Variants in CFAP161 observed in about 807,000 individuals in gnomAD.
CFAP161 encodes the protein cilia and flagella associated protein 161.
CFAP161 carries 25 observed loss-of-function variants against 29.0 expected under a neutral mutation model. The ratio of observed to expected loss-of-function variants is 0.86; its 90% CI spans 0.63 to 1.20. The LOEUF is 1.20. Among genes scored for constraint, CFAP161 ranks in the 50% most tolerant of loss-of-function variants. The pLI, the probability that CFAP161 is intolerant of heterozygous loss-of-function variation, is 0.00. For synonymous variants in CFAP161, 116 were observed against 137.4 expected, an observed-to-expected ratio of 0.84 and a Z score of 1.09; for missense variants, 367 against 371.9, an observed-to-expected ratio of 0.99 and a Z score of 0.11.
Position 81,118,149 on chromosome 15 carries a change from CAT to C in CFAP161, c.-141-9438_-141-9437del, listed in dbSNP as rs141567709. The C allele has an allele frequency of 7.0e-3, 3,552 of 504,604 alleles. 98 individuals carry two copies. Among genetic ancestry groups the C allele is most frequent in the African/African-American group, 0.065 (3,224 of 49,698 alleles). The allele number at this position is 504,604 out of a possible 1,614,324, so 31.3% of individuals were successfully genotyped here. The stretch of plus-strand genomic sequence containing the variant: ...TGAGATTTGGAAGTTTTTCTGCAGA[CAT>C]ATTCAGACCTCCAAAGATTCTATTT... On this transcript the variant is annotated intron_variant, in intron 1 of 4. Transcript: ENST00000560091.
At chr15:81,133,204 TA>T (rs1567156315), upstream of CFAP161, among the ~76,000 whole-genome samples, 2,532 of 67,106 alleles carry the variant, frequency 0.038, 162 homozygotes, top group Admixed American at 0.054. Context: ...TATATATATA[TA>T]TATATATATA....
chr15:81,124,458 T>G (rs888040919), intron 1 of CFAP161, among the ~76,000 whole-genome samples: 2 of 130,808 alleles, frequency 1.5e-5, no homozygotes, highest in Non-Finnish European at 3.5e-5. Context: ...CCAAGGATAC[T>G]GGCATGAAGT....
rs3086710 is a variant in CFAP161, at chr15:81,146,831, AAT to A, written c.637-976_637-975del. On this transcript the variant is annotated intron_variant, in intron 5 of 6. Coordinates refer to ENST00000286732, the MANE Select transcript of CFAP161 (RefSeq NM_173528.4). Reference sequence around the variant, plus strand: ...TTTGCTCTTAAATAGGATAGCTACAAATATATATATATATATATATATATATA... The same window carrying A: ...TTTGCTCTTAAATAGGATAGCTACAAATATATATATATATATATATATATA... 9.2e-3 allele frequency among the ~76,000 whole-genome samples: 646 copies of A among 70,084 alleles called. 1 individual carries two copies. The highest frequency in any genetic ancestry group is 0.015 in the Non-Finnish European group (421 of 27,814). 46.0% of individuals were successfully genotyped at this position (70,084 alleles called of 152,430 possible). A position where few individuals can be genotyped will look rare whatever the true frequency, so the allele number is the denominator to read the frequency against.
intron 1 of CFAP161, among the ~76,000 whole-genome samples, chr15:81,110,844 C>T (rs1287158917): frequency 6.6e-6 from 1 of 152,104 alleles, no homozygotes; most frequent in Admixed American, 6.6e-5. Context: ...GCTCTGGTGG[C>T]CATGCTGGGC....
rs367766966 is a variant in CFAP161 at position 81,145,866 on chromosome 15, C to A, written c.637-1992C>A. 3.3e-5 allele frequency among the ~76,000 whole-genome samples: 5 copies of A among 152,134 alleles called. No individual in the cohort carries two copies. In the South Asian group the frequency reaches 6.2e-4, roughly 19 times the overall value. Reference sequence around the variant, plus strand: ...TTGGTTGGGTGGTGTTGGAGAGAATCCCGAGAAGTGAGGCTTTGCTCTGGA... The same window carrying A: ...TTGGTTGGGTGGTGTTGGAGAGAATACCGAGAAGTGAGGCTTTGCTCTGGA... On this transcript the variant is annotated intron_variant, in intron 5 of 6. Transcript: ENST00000286732.
intron 1 of CFAP161, among the ~76,000 whole-genome samples, chr15:81,120,068 G>T (rs2663931): frequency 1 from 152,271 of 152,282 alleles, 76,130 homozygotes; most frequent in Non-Finnish European, 1. Flanking sequence ...ATAAAGACAA[G>T]GCAGGTATTA....
chr15:81,122,582 G>T (rs1894588555), intron 1 of CFAP161, among the ~76,000 whole-genome samples: 1 of 149,750 alleles, frequency 6.7e-6, no homozygotes, highest in Non-Finnish European at 1.5e-5. Context: ...ACCTCTGCCT[G>T]CCAGGTTCAA....
intron 1 of CFAP161, among the ~76,000 whole-genome samples, chr15:81,111,177 C>T (rs1894435679): frequency 6.6e-6 from 1 of 152,196 alleles, no homozygotes; most frequent in Admixed American, 6.5e-5. Context: ...ACACACCTTA[C>T]ACATGTAACT....
rs566393430 is a variant in CFAP161 at position 81,148,960 on chromosome 15, C to T, written c.*427C>T. 1 of 153,354 alleles carries T rather than the reference C, an allele frequency of 6.5e-6. No homozygotes were observed. Among genetic ancestry groups the T allele is most frequent in the South Asian group, 2.1e-4 (1 of 4,852 alleles). The allele number at this position is 153,354 out of a possible 1,614,324, so 9.5% of individuals were successfully genotyped here. On this transcript the variant is annotated 3_prime_UTR_variant, in exon 7 of 7. Coordinates refer to ENST00000286732, the MANE Select transcript of CFAP161 (RefSeq NM_173528.4). The stretch of plus-strand genomic sequence containing the variant: ...AAAACTGACAGCTCTGAGCTGTGGC[C>T]TTACCTTGGAATTAAACATTTCCAC...
intron 1 of CFAP161, chr15:81,118,175 T>C: frequency 2.1e-6 from 1 of 479,046 alleles, no homozygotes; most frequent in Non-Finnish European, 3.9e-6. Flanking sequence ...AAGATTCTAT[T>C]TTCACTGAGT....
At chr15:81,107,148 G>A (rs748724621) in intron 1 of CFAP161, among the ~76,000 whole-genome samples, 3 of 152,180 alleles carry the variant, frequency 2.0e-5, no homozygotes, top group African/African-American at 4.8e-5. Context: ...AGGAATTTGA[G>A]CAGAAAACTG....
intron 5 of CFAP161, among the ~76,000 whole-genome samples, chr15:81,144,871 G>A (rs745736048): frequency 2.0e-5 from 3 of 152,052 alleles, no homozygotes; most frequent in Non-Finnish European, 1.5e-5. Context: ...TCAATGCAGT[G>A]GTCCTGCAGG....
chr15:81,124,596 C>T (rs1894617163), intron 1 of CFAP161, among the ~76,000 whole-genome samples: 1 of 152,144 alleles, frequency 6.6e-6, no homozygotes, highest in Non-Finnish European at 1.5e-5. Flanking sequence ...GGTACCAGCT[C>T]TTCTTTGTAC....
chr15:81,147,888 C>T lies in CFAP161; in HGVS notation c.667C>T (p.His223Tyr), dbSNP rs912706595. The T allele has an allele frequency of 6.2e-7, 1 of 1,611,670 alleles. No homozygotes were observed. The highest frequency in any genetic ancestry group is 1.7e-5 in the Admixed American group (1 of 59,742). ...TGCTAAAATTCTCATCAATCACTGT[C>T]ACACAAATCGGGGACTGGCAGCCCA... is the stretch of plus-strand genomic sequence containing the variant. ...ANAKILINHC[H>Y]TNRGLAAHRH... Residue 223 changes from histidine to tyrosine, a missense_variant, in exon 6 of 7, where the codon CAC becomes TAC. By Grantham distance (83) the His-to-Tyr change is moderately conservative (BLOSUM62 2). Transcript: ENST00000286732.
intron 1 of CFAP161, among the ~76,000 whole-genome samples, chr15:81,125,626 A>G (rs1208130218): frequency 2.6e-5 from 4 of 152,216 alleles, no homozygotes; most frequent in Non-Finnish European, 5.9e-5. Flanking sequence ...TGTGAACTAA[A>G]AGGTATCTGG....
At chr15:81,105,693 C>A (rs1305162432) in intron 1 of CFAP161, among the ~76,000 whole-genome samples, 1 of 152,168 alleles carries the variant, frequency 6.6e-6, no homozygotes, top group African/African-American at 2.4e-5. Context: ...ATTAACACTT[C>A]CGGGCTGCTA....
At chr15:81,103,662 A>C (rs1319089911) in intron 1 of CFAP161, among the ~76,000 whole-genome samples, 2 of 152,172 alleles carry the variant, frequency 1.3e-5, no homozygotes, top group Non-Finnish European at 2.9e-5. Context: ...TCAGTATAAT[A>C]AGCTACTACC....
At chr15:81,146,141 G>C (rs933876796) in intron 5 of CFAP161, among the ~76,000 whole-genome samples, 4 of 152,300 alleles carry the variant, frequency 2.6e-5, no homozygotes, top group Non-Finnish European at 4.4e-5. Context: ...TGATCACAGA[G>C]TAGCCTTGTC....
chr15:81,119,388 G>A (rs901535193), intron 1 of CFAP161, among the ~76,000 whole-genome samples: 12 of 151,846 alleles, frequency 7.9e-5, no homozygotes, highest in Non-Finnish European at 1.6e-4. Context: ...TTATATTATC[G>A]TTAGAATACT....
Sources: allele counts gnomAD v4.1 joint callset (sites outside exome capture counted in the v4.1 genomes callset), GRCh38; gene constraint gnomAD v4.1.1; transcripts MANE v1.5; gene names NCBI Gene and HGNC (gene_info 2026-07-23, HGNC 2026-07-21).